RFTN1: variants seen among roughly 807,000 people sequenced by gnomAD.
RFTN1 encodes the protein raftlin, lipid raft linker 1, also known as raftlin.
A neutral mutation model predicts 46.5 loss-of-function variants in RFTN1; 26 were observed. The ratio of observed to expected loss-of-function variants is 0.56; its 90% confidence interval spans 0.41 to 0.78. The LOEUF is 0.78. Ranked by LOEUF, RFTN1 falls within the 30% of genes least tolerant of loss-of-function variation. RFTN1 has a pLI of 0.00. For synonymous variants in RFTN1, 261 were observed against 284.2 expected (o/e 0.92, Z 0.82); for missense variants, 693 against 718.7 (o/e 0.96, Z 0.41).
Position 16,377,970 on chromosome 3 carries a change from T to A in RFTN1, c.574A>T (p.Asn192Tyr). The A allele has an allele frequency of 1.2e-6, 2 of 1,614,236 alleles. No homozygotes were observed. Among genetic ancestry groups the A allele is most frequent in the South Asian group, 2.2e-5 (2 of 91,080 alleles). ...NSTEDARDAK[N>Y]ARGDHASLEN... is the part of the protein sequence containing the mutation. ...AGTGACGCGTGATCCCCACGTGCGT[T>A]TTTTGCATCTCTGGCATCCTCGGTG... Residue 192 changes from asparagine (N) to tyrosine (Y), a missense_variant, in exon 5 of 10, where the codon AAC (asparagine) becomes TAC (tyrosine). Asn to Tyr is a moderately radical substitution (Grantham distance 143). Coordinates refer to ENST00000334133, the MANE Select transcript of RFTN1 (RefSeq NM_015150.2).
At position 16,485,877 on chromosome 3, in the gene RFTN1, G is replaced by T. The variant is rs551170715; in HGVS notation, c.145+7848C>A. ...CATGTGCGGTGGATAAGCTTTGAGTGGAAAGAGCTGAAACACTGGATTCTG... is the reference window on the plus strand; with the variant it reads ...CATGTGCGGTGGATAAGCTTTGAGTTGAAAGAGCTGAAACACTGGATTCTG... On this transcript the variant is annotated intron_variant, in intron 2 of 9. Transcript: ENST00000334133. Among the ~76,000 whole-genome samples the T allele has an allele frequency of 3.4e-4, 52 of 152,320 alleles. No homozygotes were observed. The Middle Eastern group carries it at 0.01, about 30-fold the overall frequency.
At chr3:16,508,289 C>T (rs1251763115) in intron 1 of RFTN1, among the ~76,000 whole-genome samples, 1 of 152,194 alleles carries the variant, frequency 6.6e-6, no homozygotes, top group Non-Finnish European at 1.5e-5. Flanking sequence ...ACCCCGGAGG[C>T]AGGTCAAATC....
intron 7 of RFTN1, among the ~76,000 whole-genome samples, chr3:16,328,708 C>T (rs690632): frequency 0.71 from 107,499 of 152,112 alleles, 38,217 homozygotes; most frequent in Non-Finnish European, 0.72. Flanking sequence ...TCAGGAACTC[C>T]GGGAGTAGGG....
chr3:16,409,143 C>T (rs1323865671), intron 4 of RFTN1, among the ~76,000 whole-genome samples: 3 of 152,218 alleles, frequency 2.0e-5, no homozygotes, highest in South Asian at 2.1e-4. Flanking sequence ...CCCACTCCAG[C>T]TGGAAAAGAC....
rs2125002055 is a variant in RFTN1, at chr3:16,499,692, C to T, written c.-8-5815G>A. Among the ~76,000 whole-genome samples the T allele has an allele frequency of 6.6e-6, 1 of 152,330 alleles. No individual in the cohort carries two copies. Among genetic ancestry groups the T allele is most frequent in the East Asian group, 1.9e-4 (1 of 5,192 alleles). ...ATAAGCAACTTATATACCAAGTCTG[C>T]TCGAAATGACCATGGCCTGCCGCCT... On this transcript the variant is annotated intron_variant, in intron 1 of 9. Transcript: ENST00000334133. The surrounding 1 kb of genome is among the most constrained non-coding windows in gnomAD (Gnocchi z 4.9).
chr3:16,327,837 AC>A lies in RFTN1; in HGVS notation c.1147-962del, dbSNP rs2069883307. Among the ~76,000 whole-genome samples the A allele has an allele frequency of 6.6e-6, 1 of 152,106 alleles. No individual in the cohort carries two copies. Among genetic ancestry groups the A allele is most frequent in the African/African-American group, 2.4e-5 (1 of 41,434 alleles). ...GAGAGCCCTGATGTGAGGCCCCTGC[AC>A]TGGCTTCCACCTCTGCAGGCGTTCT... On this transcript the variant is annotated intron_variant, in intron 7 of 9. Transcript: ENST00000334133. The surrounding 1 kb of genome is among the most constrained non-coding windows in gnomAD (Gnocchi z 4.2).
chr3:16,482,800 A>G, intron 2 of RFTN1: 1 of 1,536,176 alleles, frequency 6.5e-7, no homozygotes, highest in Non-Finnish European at 8.7e-7. Flanking sequence ...AGGGATCCCC[A>G]GAGAGGCCAG....
In RFTN1 at chr3:16,458,441, C is replaced by T. The variant is rs1024518722; in HGVS notation, c.146-24404G>A. ...CACTGACATTTGGAAGACATTTTCC[C>T]TCCTCATGATGTGAATTTTTCCTTT... is the stretch of plus-strand genomic sequence containing the variant. On this transcript the variant is annotated intron_variant, in intron 2 of 9. Coordinates refer to ENST00000334133, the MANE Select transcript of RFTN1 (RefSeq NM_015150.2). This position sits in a 1 kb window ranked among gnomAD's most constrained non-coding sequence, Gnocchi z 5.1. 1.6e-4 allele frequency among the ~76,000 whole-genome samples: 25 copies of T among 152,304 alleles called. No individual in the cohort carries two copies. The highest frequency in any genetic ancestry group is 9.1e-4 in the Admixed American group (14 of 15,306).
intron 4 of RFTN1, among the ~76,000 whole-genome samples, chr3:16,405,258 TC>T (rs2074824356): frequency 6.6e-6 from 1 of 152,112 alleles, no homozygotes; most frequent in Non-Finnish European, 1.5e-5. Context: ...GCACCATCAC[TC>T]TCTCACAGCT....
chr3:16,332,774 T>C (rs1236222485), intron 7 of RFTN1, among the ~76,000 whole-genome samples: 8 of 146,842 alleles, frequency 5.4e-5, no homozygotes, highest in Non-Finnish European at 3.0e-5. Context: ...TAAAAATTTG[T>C]TGAAATCACT....
intron 4 of RFTN1, among the ~76,000 whole-genome samples, chr3:16,392,828 A>G (rs1479285615): frequency 6.6e-6 from 1 of 152,136 alleles, no homozygotes; most frequent in Non-Finnish European, 1.5e-5. Context: ...GGGTTTTTCA[A>G]CAAGTCCCAA....
At chr3:16,417,509 A>G (rs1559336704) in intron 3 of RFTN1, among the ~76,000 whole-genome samples, 2 of 152,206 alleles carry the variant, frequency 1.3e-5, no homozygotes, top group African/African-American at 4.8e-5. Flanking sequence ...TCGTTTCAGA[A>G]CATGATAAAA....
Position 16,361,894 on chromosome 3 carries a change from G to A in RFTN1, c.1031-3847C>T, listed in dbSNP as rs1332936886. 6.6e-6 allele frequency among the ~76,000 whole-genome samples: 1 copy of A among 152,240 alleles called. No homozygotes were observed. The highest frequency in any genetic ancestry group is 2.4e-5 in the African/African-American group (1 of 41,450). On this transcript the variant is annotated intron_variant, in intron 6 of 9. Transcript: ENST00000334133. The surrounding 1 kb of genome is among the most constrained non-coding windows in gnomAD (Gnocchi z 4.3). Reference sequence around the variant, plus strand: ...GGACAAATGGAGCAGAGCTGCCGCAGTGGAGCCCAGCTGAGACCAGTTCTG... The same window carrying A: ...GGACAAATGGAGCAGAGCTGCCGCAATGGAGCCCAGCTGAGACCAGTTCTG...
rs974057542 is a variant in RFTN1, at chr3:16,352,818, G to A, written c.1146+5114C>T. Among the ~76,000 whole-genome samples the A allele has an allele frequency of 6.6e-6, 1 of 152,242 alleles. No homozygotes were observed. Reference sequence around the variant, plus strand: ...ATTTATACAACTGAAAATAGAAAAAGCAGGTGTGGTTTACTTTTCACATAG... The same window carrying A: ...ATTTATACAACTGAAAATAGAAAAAACAGGTGTGGTTTACTTTTCACATAG... On this transcript the variant is annotated intron_variant, in intron 7 of 9. Coordinates refer to ENST00000334133, the MANE Select transcript of RFTN1 (RefSeq NM_015150.2). The surrounding 1 kb of genome is among the most constrained non-coding windows in gnomAD (Gnocchi z 4.6).
intron 4 of RFTN1, 92 bp from the exon 5 acceptor site, chr3:16,378,194 C>T (rs1213584981): frequency 2.0e-5 from 23 of 1,131,216 alleles, no homozygotes; most frequent in Middle Eastern, 3.0e-4. Context: ...CCGAGGCCTG[C>T]GAGGCTGTTT....
chr3:16,368,000 T>G (rs1178295973), intron 6 of RFTN1, among the ~76,000 whole-genome samples: 1 of 152,066 alleles, frequency 6.6e-6, no homozygotes, highest in African/African-American at 2.4e-5. Flanking sequence ...CTTCAACAAC[T>G]AACCATCAGT....
chr3:16,412,136 A>G (rs1244313768), intron 3 of RFTN1, among the ~76,000 whole-genome samples: 2 of 152,248 alleles, frequency 1.3e-5, no homozygotes, highest in Non-Finnish European at 2.9e-5. Context: ...AATTTTTTAG[A>G]TGAACCATGG....
rs2074153785 is a variant in RFTN1, at chr3:16,385,833, T to C, written c.442-7731A>G. Among the ~76,000 whole-genome samples the C allele has an allele frequency of 1.3e-5, 2 of 152,290 alleles. No homozygotes were observed. The highest frequency in any genetic ancestry group is 6.5e-5 in the Admixed American group (1 of 15,298). On this transcript the variant is annotated intron_variant, in intron 4 of 9. Transcript: ENST00000334133. The surrounding 1 kb of genome is among the most constrained non-coding windows in gnomAD (Gnocchi z 5.0). ...CCATCAGCAGAATTCAACATATGTG[T>C]GGTTGTCTGCATTCAGAACAGGATT...
chr3:16,411,799 A>G (rs2074985498), intron 3 of RFTN1, among the ~76,000 whole-genome samples: 1 of 152,262 alleles, frequency 6.6e-6, no homozygotes, highest in Admixed American at 6.5e-5. Flanking sequence ...GAAACAGGCT[A>G]TATGAGGTTA....
Sources: gnomAD v4.1 joint callset for allele counts (sites outside exome capture counted in the v4.1 genomes callset) on GRCh38, gnomAD v4.1.1 for gene constraint, Gnocchi (gnomAD v3.1) non-coding constraint, MANE v1.5 for transcripts, NCBI Gene and HGNC (gene_info 2026-07-23, HGNC 2026-07-21) for gene names.